DPP10: variants seen among roughly 807,000 people sequenced by gnomAD.
DPP10 encodes the protein inactive dipeptidyl peptidase 10.
DPP10 carries 33 observed loss-of-function variants against 120.9 expected under a neutral mutation model. The ratio of observed to expected loss-of-function variants is 0.27; its 90% CI spans 0.21 to 0.37. The LOEUF (loss-of-function observed/expected upper bound fraction) is 0.37, where lower values mean the gene tolerates loss of function less well. Among genes scored for constraint, DPP10 ranks in the 10% least tolerant of loss-of-function variants. The probability of loss-of-function intolerance (pLI) is 1.00; values close to 1 mark genes in which losing one functional copy is unlikely to be tolerated. For synonymous variants in DPP10, 337 were observed against 326.1 expected (o/e 1.03, Z -0.36); for missense variants, 816 against 942.8 (o/e 0.87, Z 1.76).
At chr2:115,737,825 C>T (rs1346677759) in intron 8 of DPP10, among the ~76,000 whole-genome samples, 1 of 152,118 alleles carries the variant, frequency 6.6e-6, no homozygotes, top group Admixed American at 6.6e-5. Context: ...GAAGAGATAT[C>T]CCGGTGTATC....
chr2:114,789,151 G>C (rs991060960), intron 1 of DPP10, among the ~76,000 whole-genome samples: 1 of 115,434 alleles, frequency 8.7e-6, no homozygotes, highest in Non-Finnish European at 1.8e-5. Context: ...AAGACATCTG[G>C]GTTAAGCGCC....
chr2:114,794,449 A>G (rs1011212341), intron 1 of DPP10, among the ~76,000 whole-genome samples: 2 of 152,134 alleles, frequency 1.3e-5, no homozygotes, highest in African/African-American at 2.4e-5. Context: ...GCTTGTTTAT[A>G]TTTTCCATTG....
At chr2:114,696,903 C>T (rs1700100788) in intron 1 of DPP10, among the ~76,000 whole-genome samples, 1 of 151,844 alleles carries the variant, frequency 6.6e-6, no homozygotes, top group Admixed American at 6.6e-5. Context: ...CTATTTATTT[C>T]CGAGCATTAA....
At chr2:115,162,254 C>A in intron 1 of DPP10, 1 of 1,559,762 alleles carries the variant, frequency 6.4e-7, no homozygotes, top group Non-Finnish European at 8.7e-7. Context: ...TGGAGAGCCG[C>A]GGGGAAGGGG....
intron 1 of DPP10, among the ~76,000 whole-genome samples, chr2:114,535,394 A>G (rs967209379): frequency 6.6e-6 from 1 of 152,216 alleles, no homozygotes; most frequent in African/African-American, 2.4e-5. Context: ...CCAAATTGGG[A>G]AAATAAGGCC....
intron 1 of DPP10, among the ~76,000 whole-genome samples, chr2:115,006,030 C>T (rs1452165094): frequency 6.6e-6 from 1 of 152,026 alleles, no homozygotes; most frequent in East Asian, 1.9e-4. Context: ...TGGCAGAAAC[C>T]CTACAAGCCA....
In DPP10 at chr2:114,899,021, G is replaced by C. The variant is rs1468559495; in HGVS notation, c.61-410218G>C. On this transcript the variant is annotated intron_variant, in intron 1 of 25. Transcript: ENST00000410059. ...CATCTAATTTATTACATGGAGAGAG[G>C]TATGACACAGGAAAAATGCATATTA... Among the ~76,000 whole-genome samples the C allele has an allele frequency of 5.9e-5, 9 of 151,788 alleles. No individual in the cohort carries two copies. The East Asian group carries it at 1.7e-3, about 29-fold the overall frequency.
chr2:115,216,448 G>C (rs962312819), intron 1 of DPP10, among the ~76,000 whole-genome samples: 2 of 152,136 alleles, frequency 1.3e-5, no homozygotes, highest in Non-Finnish European at 2.9e-5. Flanking sequence ...GCATATGTAC[G>C]TAAGTGTGTA....
intron 5 of DPP10, among the ~76,000 whole-genome samples, chr2:115,555,017 C>T (rs190295944): frequency 6.6e-6 from 1 of 152,162 alleles, no homozygotes; most frequent in East Asian, 1.9e-4. Flanking sequence ...TATCTAACTT[C>T]TGCATTAATA....
At chr2:114,468,840 TATC>T (rs1384281683) in intron 1 of DPP10, among the ~76,000 whole-genome samples, 2 of 152,180 alleles carry the variant, frequency 1.3e-5, no homozygotes, top group Non-Finnish European at 2.9e-5. Context: ...AATGAAATCA[TATC>T]ATTGAAATAT....
Position 115,309,124 on chromosome 2 carries a change from A to G in DPP10, c.61-115A>G, listed in dbSNP as rs118002509. 1,039 of 744,780 alleles carry G rather than the reference A, an allele frequency of 1.4e-3. 15 individuals carry two copies. The East Asian group carries it at 0.027, about 19-fold the overall frequency. 46.1% of individuals were successfully genotyped at this position (744,780 alleles called of 1,614,324 possible). A position where few individuals can be genotyped will look rare whatever the true frequency, so the allele number is the denominator to read the frequency against. ...AATTAAATGAACTACTGAAGAGGAAATGGATTCTAATCAGCTTTCAAACTG... is the reference window on the plus strand; with the variant it reads ...AATTAAATGAACTACTGAAGAGGAAGTGGATTCTAATCAGCTTTCAAACTG... On this transcript the variant is annotated intron_variant, in intron 1 of 25. Transcript: ENST00000410059.
chr2:115,753,394 G>A, intron 11 of DPP10, 97 bp downstream of exon 11: 6 of 1,195,738 alleles, frequency 5.0e-6, no homozygotes, highest in South Asian at 4.2e-5. Context: ...AAAAAATTCA[G>A]TGTTTAACTT....
At chr2:115,703,195 C>A (rs770487682) in intron 7 of DPP10, among the ~76,000 whole-genome samples, 1 of 151,722 alleles carries the variant, frequency 6.6e-6, no homozygotes, top group Middle Eastern at 3.2e-3. Context: ...TTTCCTTACT[C>A]ATTTTTTAAA....
At chr2:114,919,643 G>T (rs1695052501) in intron 1 of DPP10, among the ~76,000 whole-genome samples, 1 of 152,150 alleles carries the variant, frequency 6.6e-6, no homozygotes, top group South Asian at 2.1e-4. Flanking sequence ...ATCAGCCAAA[G>T]TTTGCAGACA....
chr2:114,539,180 T>C (rs1215570426), intron 1 of DPP10, among the ~76,000 whole-genome samples: 4 of 148,632 alleles, frequency 2.7e-5, no homozygotes, highest in Admixed American at 6.7e-5. Context: ...TTTATAACTG[T>C]ATATTACATA....
intron 3 of DPP10, among the ~76,000 whole-genome samples, chr2:115,396,795 C>T (rs2067710484): frequency 6.6e-6 from 1 of 152,090 alleles, no homozygotes; most frequent in African/African-American, 2.4e-5. Context: ...TTTTCCCATC[C>T]TCATTGCACA....
intron 11 of DPP10, among the ~76,000 whole-genome samples, chr2:115,754,774 A>T (rs2149758764): frequency 6.6e-6 from 1 of 152,290 alleles, no homozygotes; most frequent in African/African-American, 2.4e-5. Context: ...CCTACAAAGG[A>T]TAGTAATATT....
intron 1 of DPP10, among the ~76,000 whole-genome samples, chr2:115,159,621 C>A (rs4547539): frequency 0.44 from 66,273 of 151,816 alleles, 14,423 homozygotes; most frequent in Middle Eastern, 0.46. Context: ...TGCCCTTAAC[C>A]CAGATCTCAA....
chr2:114,973,232 C>G (rs948493076), intron 1 of DPP10, among the ~76,000 whole-genome samples: 4 of 151,930 alleles, frequency 2.6e-5, no homozygotes, highest in African/African-American at 9.7e-5. Context: ...TCCTGCTGTG[C>G]TGCCAGTCAT....
Sources: allele counts gnomAD v4.1 joint callset (sites outside exome capture counted in the v4.1 genomes callset), GRCh38; gene constraint gnomAD v4.1.1; transcripts MANE v1.5; gene names NCBI Gene and HGNC (gene_info 2026-07-23, HGNC 2026-07-21).